The following RSRC1 variants were observed in gnomAD, a reference collection of about 807,000 sequenced individuals.
The protein encoded by RSRC1 is serine/Arginine-related protein 53.
RSRC1 carries 39 observed loss-of-function variants against 49.1 expected under a neutral mutation model. That is an observed-to-expected ratio of 0.79 (90% confidence interval 0.61 to 1.04). RSRC1 has a LOEUF of 1.04. Ranked by LOEUF, RSRC1 falls within the 50% of genes least tolerant of loss-of-function variation. The pLI, the probability that RSRC1 is intolerant of heterozygous loss-of-function variation, is 0.00. For missense variants in RSRC1, 388 were observed against 402.4 expected (o/e 0.96, Z 0.31); for synonymous variants, 143 against 130.8 (o/e 1.09, Z -0.63).
intron 5 of RSRC1, chr3:158,336,481 G>T: frequency 6.2e-6 from 1 of 161,298 alleles, no homozygotes; most frequent in Non-Finnish European, 1.4e-5. Context: ...TGGGGTCATT[G>T]CTGATGACAC....
intron 5 of RSRC1, among the ~76,000 whole-genome samples, chr3:158,341,329 G>A (rs2108214837): frequency 6.6e-6 from 1 of 152,226 alleles, no homozygotes; most frequent in Non-Finnish European, 1.5e-5. Flanking sequence ...GCAGGAAAAA[G>A]TGGTTTCGTG....
In RSRC1 at chr3:158,353,840, A is replaced by G. The variant is rs540439421; in HGVS notation, c.532-1017A>G. Among the ~76,000 whole-genome samples the G allele has an allele frequency of 7.2e-5, 11 of 152,258 alleles. No homozygotes were observed. In the South Asian group the frequency reaches 1.0e-3, roughly 14 times the overall value. On this transcript the variant is annotated intron_variant, in intron 5 of 9. Transcript: ENST00000611884. Reference sequence around the variant, plus strand: ...ACAACTTTATAAATATATTAATTGAAGTCTCAAGTATGGACAACAGTTTTT... The same window carrying G: ...ACAACTTTATAAATATATTAATTGAGGTCTCAAGTATGGACAACAGTTTTT...
intron 4 of RSRC1, among the ~76,000 whole-genome samples, chr3:158,220,268 T>C (rs1722159630): frequency 6.6e-6 from 1 of 151,526 alleles, no homozygotes; most frequent in African/African-American, 2.4e-5. Context: ...TAAGTGAAAG[T>C]AGAAAGGAAC....
At chr3:158,370,564 G>C (rs1732011637) in intron 6 of RSRC1, among the ~76,000 whole-genome samples, 2 of 151,654 alleles carry the variant, frequency 1.3e-5, no homozygotes, top group Admixed American at 1.3e-4. Flanking sequence ...TTTTGGATTT[G>C]TTCGTGTCGT....
intron 5 of RSRC1, among the ~76,000 whole-genome samples, chr3:158,351,465 A>C (rs893366787): frequency 1.3e-5 from 2 of 152,260 alleles, no homozygotes; most frequent in African/African-American, 4.8e-5. Context: ...AAGTTTGATC[A>C]ATGTAACAGT....
chr3:158,501,864 G>A (rs1454601523), intron 7 of RSRC1, among the ~76,000 whole-genome samples: 1 of 152,182 alleles, frequency 6.6e-6, no homozygotes, highest in Non-Finnish European at 1.5e-5. Context: ...TTAGTATTGA[G>A]ATGTGAGGTA....
intron 7 of RSRC1, among the ~76,000 whole-genome samples, chr3:158,468,058 C>T (rs1238817773): frequency 3.3e-5 from 5 of 152,140 alleles, no homozygotes; most frequent in Non-Finnish European, 7.4e-5. Flanking sequence ...CTCAGCCTCC[C>T]GAGTCGCTGG....
At chr3:158,532,259 A>T (rs1712441435) in intron 7 of RSRC1, among the ~76,000 whole-genome samples, 1 of 151,840 alleles carries the variant, frequency 6.6e-6, no homozygotes, top group South Asian at 2.1e-4. Context: ...AGTCAGTTGA[A>T]GTTGCTGGTT....
At chr3:158,436,500 GCA>G (rs1736050318) in intron 6 of RSRC1, among the ~76,000 whole-genome samples, 1 of 151,890 alleles carries the variant, frequency 6.6e-6, no homozygotes, top group Non-Finnish European at 1.5e-5. Context: ...GTGCATGCAT[GCA>G]CACATACATA....
At chr3:158,475,286 ATTG>A (rs1050599895) in intron 7 of RSRC1, among the ~76,000 whole-genome samples, 3 of 152,134 alleles carry the variant, frequency 2.0e-5, no homozygotes, top group Admixed American at 6.6e-5. Flanking sequence ...TATGCCAGGC[ATTG>A]TTGTCATCCT....
intron 7 of RSRC1, among the ~76,000 whole-genome samples, chr3:158,520,165 CT>C (rs749167588): frequency 1.4e-4 from 22 of 152,134 alleles, no homozygotes; most frequent in Non-Finnish European, 2.8e-4. Flanking sequence ...GTATCTTCCA[CT>C]TTTCCAAATT....
intron 7 of RSRC1, among the ~76,000 whole-genome samples, chr3:158,484,084 A>C (rs765523320): frequency 1.3e-5 from 2 of 152,102 alleles, no homozygotes; most frequent in African/African-American, 2.4e-5. Flanking sequence ...GCAAATTTAA[A>C]GTTGATTTTT....
At chr3:158,351,562 A>G (rs942071490) in intron 5 of RSRC1, among the ~76,000 whole-genome samples, 1 of 152,216 alleles carries the variant, frequency 6.6e-6, no homozygotes, top group Admixed American at 6.5e-5. Context: ...TTTAGAATCA[A>G]ATTTCATTTA....
intron 3 of RSRC1, among the ~76,000 whole-genome samples, chr3:158,158,480 C>G (rs901575503): frequency 6.6e-6 from 1 of 152,084 alleles, no homozygotes; most frequent in Non-Finnish European, 1.5e-5. Flanking sequence ...TCTAAGACAG[C>G]GAACTATCTG....
At chr3:158,167,715 A>G (rs1559926792) in intron 3 of RSRC1, among the ~76,000 whole-genome samples, 1 of 152,194 alleles carries the variant, frequency 6.6e-6, no homozygotes, top group African/African-American at 2.4e-5. Context: ...TCATCTGTAT[A>G]TTTAACTACA....
At chr3:158,240,998 TTAA>T (rs1425340278) in intron 4 of RSRC1, among the ~76,000 whole-genome samples, 1 of 152,226 alleles carries the variant, frequency 6.6e-6, no homozygotes, top group African/African-American at 2.4e-5. Flanking sequence ...GTTATTGTCA[TTAA>T]TCTCTTATGC....
chr3:158,540,315 T>C (rs141692385), intron 8 of RSRC1, among the ~76,000 whole-genome samples: 249 of 152,308 alleles, frequency 1.6e-3, no homozygotes, highest in African/African-American at 5.5e-3. Context: ...TAAATATTTA[T>C]TTAAATGTCT....
chr3:158,360,568 A>C (rs1428789350), intron 6 of RSRC1, among the ~76,000 whole-genome samples: 2 of 152,216 alleles, frequency 1.3e-5, no homozygotes, highest in Non-Finnish European at 2.9e-5. Context: ...CTTCAGCTTC[A>C]GCCGTAACTT....
At chr3:158,188,025 A>G (rs764366823) in intron 3 of RSRC1, among the ~76,000 whole-genome samples, 33 of 151,940 alleles carry the variant, frequency 2.2e-4, no homozygotes, top group Admixed American at 1.1e-3. Context: ...AGATAACCTC[A>G]TCACGTAGCT....
Sources: gnomAD v4.1 joint callset for allele counts (sites outside exome capture counted in the v4.1 genomes callset) on GRCh38, gnomAD v4.1.1 for gene constraint, MANE v1.5 for transcripts, NCBI Gene and HGNC (gene_info 2026-07-23, HGNC 2026-07-21) for gene names.